Variants in PSMD1 observed in about 807,000 individuals in gnomAD.
The protein encoded by PSMD1 is 26S proteasome non-ATPase regulatory subunit 1.
In PSMD1, 18 loss-of-function variants were observed where a neutral mutation model predicts 119.0. The observed-to-expected ratio is 0.15, with a 90% CI of 0.10 to 0.22. PSMD1 has a LOEUF of 0.22. Among genes scored for constraint, PSMD1 ranks in the 10% least tolerant of loss-of-function variants. The pLI is 1.00. For missense variants in PSMD1, 702 were observed against 1,158.5 expected (o/e 0.61, Z 5.72); for synonymous variants, 374 against 396.6 (o/e 0.94, Z 0.68).
chr2:231,100,125 T>TC (rs1694828367), intron 16 of PSMD1, among the ~76,000 whole-genome samples: 2 of 152,200 alleles, frequency 1.3e-5, no homozygotes, highest in South Asian at 4.1e-4. Context: ...CCAGAGACCA[T>TC]CCCGGGAGGG....
chr2:231,094,619 G>A (rs1162484445), intron 16 of PSMD1, among the ~76,000 whole-genome samples: 2 of 152,216 alleles, frequency 1.3e-5, no homozygotes, highest in Admixed American at 6.5e-5. Context: ...AGTAAATCCA[G>A]AATGAGTAAG....
At chr2:231,124,053 T>C in intron 16 of PSMD1, 1 of 329,114 alleles carries the variant, frequency 3.0e-6, no homozygotes, top group East Asian at 6.5e-5. Flanking sequence ...GATATATATA[T>C]ATTTTTAGTT....
chr2:231,123,301 A>T, intron 16 of PSMD1: 1 of 817,732 alleles, frequency 1.2e-6, no homozygotes, highest in Non-Finnish European at 2.1e-6. Flanking sequence ...ATCTTTAAAT[A>T]GTCCAAGTTC....
chr2:231,063,454 T>C (rs1252591016), intron 4 of PSMD1, among the ~76,000 whole-genome samples: 1 of 152,150 alleles, frequency 6.6e-6, no homozygotes, highest in Non-Finnish European at 1.5e-5. Context: ...CTGTCAGGAG[T>C]GTGCAGTGCA....
At chr2:231,165,813 C>G (rs1696766227) in intron 22 of PSMD1, 58 bp from the exon 23 acceptor site, 1 of 1,401,886 alleles carries the variant, frequency 7.1e-7, no homozygotes, top group Admixed American at 2.2e-5. Flanking sequence ...AGATGTTACT[C>G]AGTTCTGTGG....
intron 4 of PSMD1, among the ~76,000 whole-genome samples, chr2:231,063,794 G>T (rs969208918): frequency 1.3e-5 from 2 of 151,096 alleles, no homozygotes; most frequent in African/African-American, 2.4e-5. Flanking sequence ...GAAGCAGGGG[G>T]TGAAATACCT....
rs1696769882 is a variant in PSMD1, at chr2:231,165,919, C to T, written c.2617C>T (p.Pro873Ser). 6.2e-7 allele frequency: 1 copy of T among 1,613,710 alleles called. No individual in the cohort carries two copies. Among genetic ancestry groups the T allele is most frequent in the East Asian group, 2.2e-5 (1 of 44,872 alleles). ...EEKEKKKEPEPNFQLLDNPAR... is the reference protein window; with the variant it reads ...EEKEKKKEPESNFQLLDNPAR... ...AAAAGAGAAGAAAAAAGAACCTGAG[C>T]CAAACTTCCAGTTATTGGATAACCC... The change falls in exon 23 of 25, where the codon CCA becomes TCA. Residue 873 changes from proline (P) to serine (S), a missense_variant. Pro to Ser is a moderately conservative substitution (Grantham distance 74). Coordinates refer to ENST00000308696, the MANE Select transcript of PSMD1 (RefSeq NM_002807.4).
rs558046624 is a variant in PSMD1 at position 231,166,574 on chromosome 2, CT to C, written c.2715+559del. Among the ~76,000 whole-genome samples the C allele has an allele frequency of 1.1e-4, 16 of 151,216 alleles. 1 individual carries two copies. Among genetic ancestry groups the C allele is most frequent in the Admixed American group, 4.6e-4 (7 of 15,204 alleles). ...CATTGCATTTTAGTTAGAAAAGGAT[CT>C]TCATGGAATTTAATTTATTCCAAGA... On this transcript the variant is annotated intron_variant, in intron 23 of 24. Transcript: ENST00000308696.
rs917402482 is a variant in PSMD1, at chr2:231,095,865, G to A, written c.1883+8684G>A. Among the ~76,000 whole-genome samples the A allele has an allele frequency of 3.9e-5, 6 of 152,318 alleles. No homozygotes were observed. The East Asian group carries it at 5.8e-4, about 15-fold the overall frequency. On this transcript the variant is annotated intron_variant, in intron 16 of 24. Coordinates refer to ENST00000308696, the MANE Select transcript of PSMD1 (RefSeq NM_002807.4). ...ATTTGCCAGACCTTTTGGGAATGAC[G>A]AAAATGGGTGAATTCCGAGGGCTGT...
chr2:231,077,349 C>CA (rs1402373247), intron 9 of PSMD1, among the ~76,000 whole-genome samples, 187 bp downstream of exon 9: 1 of 152,044 alleles, frequency 6.6e-6, no homozygotes, highest in African/African-American at 2.4e-5. Context: ...AGAAAATGAG[C>CA]AATGATTGAG....
At chr2:231,147,467 A>G (rs775755999) in intron 18 of PSMD1, among the ~76,000 whole-genome samples, 12 of 152,354 alleles carry the variant, frequency 7.9e-5, no homozygotes, top group African/African-American at 2.6e-4. Flanking sequence ...ACTGCACTCC[A>G]GCCTGGGTGA....
intron 12 of PSMD1, among the ~76,000 whole-genome samples, chr2:231,081,124 G>A (rs556775142): frequency 2.2e-5 from 3 of 137,690 alleles, no homozygotes; most frequent in Non-Finnish European, 3.1e-5. Context: ...CAGCCTGGGC[G>A]ACAAGACAGA....
intron 9 of PSMD1, among the ~76,000 whole-genome samples, chr2:231,077,929 C>CATGACAATTTAA (rs1280560001): frequency 3.3e-5 from 5 of 152,140 alleles, no homozygotes; most frequent in African/African-American, 4.8e-5. Flanking sequence ...AGTCTCCATT[C>CATGACAATTTAA]ATGACAATTT....
chr2:231,081,671 TG>T (rs1404845094), intron 12 of PSMD1, among the ~76,000 whole-genome samples: 1 of 152,182 alleles, frequency 6.6e-6, no homozygotes, highest in African/African-American at 2.4e-5. Flanking sequence ...CTCTAACCAG[TG>T]GGGAGGAGTA....
At position 231,138,687 on chromosome 2, in the gene PSMD1, T is replaced by G; in HGVS notation, c.1884-49T>G. ...TTGGTTAAAACTCTTCTGTCTTAAC[T>G]TAAAATAGATTACCTATAACAGTGG... On this transcript the variant is annotated intron_variant, in intron 16 of 24. Transcript: ENST00000308696. The G allele has an allele frequency of 3.6e-6, 5 of 1,400,518 alleles. No homozygotes were observed. In the South Asian group the frequency reaches 5.8e-5, roughly 16 times the overall value. The allele number at this position is 1,400,518 out of a possible 1,614,324, so 86.8% of individuals were successfully genotyped here.
chr2:231,067,332 C>T (rs185478759), intron 5 of PSMD1, among the ~76,000 whole-genome samples: 18 of 152,164 alleles, frequency 1.2e-4, no homozygotes, highest in African/African-American at 4.3e-4. Flanking sequence ...CCTTTGAAGT[C>T]TTGCATGGGG....
intron 15 of PSMD1, among the ~76,000 whole-genome samples, chr2:231,086,490 C>A (rs1281666027): frequency 6.6e-6 from 1 of 152,046 alleles, no homozygotes; most frequent in African/African-American, 2.4e-5. Context: ...AACCCCATCT[C>A]CACAAAAAAT....
At chr2:231,083,521 T>C (rs1694364044) in intron 13 of PSMD1, 46 bp from the exon 14 acceptor site, 2 of 1,593,884 alleles carry the variant, frequency 1.3e-6, no homozygotes, top group Admixed American at 1.7e-5. Context: ...TTTTACTGAC[T>C]TTAAAAACAT....
chr2:231,109,135 C>G, intron 16 of PSMD1: 1 of 1,614,060 alleles, frequency 6.2e-7, no homozygotes, highest in Non-Finnish European at 8.5e-7. Flanking sequence ...TTTCCGGTGA[C>G]GAGCAAGGTG....
Sources: gnomAD v4.1 joint callset for allele counts (sites outside exome capture counted in the v4.1 genomes callset) on GRCh38, gnomAD v4.1.1 for gene constraint, MANE v1.5 for transcripts, NCBI Gene and HGNC (gene_info 2026-07-23, HGNC 2026-07-21) for gene names.